Variants in ERBB4 observed in about 807,000 individuals in gnomAD.
ERBB4 encodes the protein receptor tyrosine-protein kinase erbB-4.
ERBB4 carries 42 observed loss-of-function variants against 158.0 expected under a neutral mutation model. That is an observed-to-expected ratio of 0.27 (90% CI 0.21 to 0.34). The LOEUF is 0.34. Among genes scored for constraint, ERBB4 ranks in the 10% least tolerant of loss-of-function variants. ERBB4 has a pLI of 1.00. For missense variants in ERBB4, 1,333 were observed against 1,624.1 expected (o/e 0.82, Z 3.08); for synonymous variants, 583 against 558.7 (o/e 1.04, Z -0.61).
chr2:211,453,672 T>C (rs115862566), intron 20 of ERBB4, among the ~76,000 whole-genome samples: 2,747 of 152,278 alleles, frequency 0.018, 23 homozygotes, highest in African/African-American at 0.028. Flanking sequence ...TCAATACTAT[T>C]ATCTCATTCA....
intron 4 of ERBB4, among the ~76,000 whole-genome samples, chr2:211,759,329 A>C (rs572555882): frequency 6.6e-6 from 1 of 152,170 alleles, no homozygotes; most frequent in Non-Finnish European, 1.5e-5. Flanking sequence ...GCCCCTTTAC[A>C]ATCTCTTCTC....
At chr2:211,570,059 G>A (rs1224540460) in intron 19 of ERBB4, among the ~76,000 whole-genome samples, 1 of 152,122 alleles carries the variant, frequency 6.6e-6, no homozygotes, top group Non-Finnish European at 1.5e-5. Flanking sequence ...GAAAGGCACA[G>A]ATTCATGAGA....
Position 211,793,968 on chromosome 2 carries a change from G to A in ERBB4, c.422-5809C>T, listed in dbSNP as rs376981065. Among the ~76,000 whole-genome samples, 14 of 152,008 alleles carry A rather than the reference G, an allele frequency of 9.2e-5. No individual in the cohort carries two copies. In the East Asian group the frequency reaches 2.5e-3, roughly 27 times the overall value. On this transcript the variant is annotated intron_variant, in intron 3 of 27. Coordinates refer to ENST00000342788, the MANE Select transcript of ERBB4 (RefSeq NM_005235.3). The stretch of plus-strand genomic sequence containing the variant: ...TTTGTATTGGGAGCGGGTAGAGGGT[G>A]ATAATGTAAATGAGTGACGTAACCT...
chr2:211,755,250 C>T (rs2075263437), intron 4 of ERBB4, among the ~76,000 whole-genome samples: 1 of 152,086 alleles, frequency 6.6e-6, no homozygotes, highest in South Asian at 2.1e-4. Context: ...GTCTGTAATC[C>T]CAGCACTTTG....
chr2:211,761,190 CA>C (rs58277006), intron 4 of ERBB4, among the ~76,000 whole-genome samples: 3,820 of 89,730 alleles, frequency 0.043, 82 homozygotes, highest in African/African-American at 0.14. Flanking sequence ...TGAGATTCCT[CA>C]AAAAAAAAAA....
chr2:212,363,211 C>T (rs1299980259), intron 1 of ERBB4, among the ~76,000 whole-genome samples: 1 of 151,156 alleles, frequency 6.6e-6, no homozygotes, highest in Admixed American at 6.6e-5. Context: ...GACTAAGTAG[C>T]CCATGCAGAC....
At position 211,624,021 on chromosome 2, in the gene ERBB4, A is replaced by G; in HGVS notation, c.2103T>C (p.Ser701=). 2 of 1,614,132 alleles carry G rather than the reference A, an allele frequency of 1.2e-6. No individual in the cohort carries two copies. The highest frequency in any genetic ancestry group is 8.5e-7 in the Non-Finnish European group (1 of 1,179,998). The change falls in exon 18 of 28, where the codon AGT becomes AGC. Residue 701 remains serine, a synonymous_variant. Transcript: ENST00000342788. ...GTTGAGCTTGATTGGGTGCTGTGCC[A>G]CTGGGAGTTAATGGTTCCACCAACT... ...ETELVEPLTP[S]GTAPNQAQLR...
chr2:211,633,806 A>G (rs1190220545), intron 16 of ERBB4, among the ~76,000 whole-genome samples: 1 of 151,578 alleles, frequency 6.6e-6, no homozygotes, highest in Non-Finnish European at 1.5e-5. Context: ...AAAGATTTTG[A>G]TGTTAGTAGA....
chr2:211,930,373 A>G (rs772674041), intron 3 of ERBB4, among the ~76,000 whole-genome samples: 36 of 152,202 alleles, frequency 2.4e-4, no homozygotes, highest in Non-Finnish European at 4.7e-4. Context: ...TTATTTACGG[A>G]GTAAAAGAAT....
chr2:211,741,501 T>C (rs540907653), intron 5 of ERBB4, among the ~76,000 whole-genome samples: 3 of 138,512 alleles, frequency 2.2e-5, no homozygotes, highest in African/African-American at 5.4e-5. Context: ...AGACAGATGA[T>C]AGAGAGAGAG....
intron 1 of ERBB4, among the ~76,000 whole-genome samples, chr2:212,357,592 C>T (rs150494135): frequency 2.0e-5 from 3 of 151,620 alleles, no homozygotes; most frequent in East Asian, 3.9e-4. Context: ...TGAAAATGTA[C>T]GTTTGCCCAC....
At chr2:211,418,164 T>G (rs1199634705) in intron 25 of ERBB4, among the ~76,000 whole-genome samples, 2 of 151,710 alleles carry the variant, frequency 1.3e-5, no homozygotes, top group African/African-American at 4.8e-5. Flanking sequence ...AGATGTTCCC[T>G]TAGCACGTTA....
intron 1 of ERBB4, among the ~76,000 whole-genome samples, chr2:212,485,481 T>C (rs1689924113): frequency 6.6e-6 from 1 of 152,144 alleles, no homozygotes; most frequent in Non-Finnish European, 1.5e-5. Flanking sequence ...GAATGAATTG[T>C]CAAAATGAAC....
intron 1 of ERBB4, among the ~76,000 whole-genome samples, chr2:212,179,106 T>G (rs548188154): frequency 2.0e-5 from 3 of 151,742 alleles, no homozygotes; most frequent in Middle Eastern, 3.4e-3. Flanking sequence ...TGGTAAGACA[T>G]AGAATCATTA....
At chr2:212,489,399 C>T (rs1575016058) in intron 1 of ERBB4, among the ~76,000 whole-genome samples, 1 of 151,942 alleles carries the variant, frequency 6.6e-6, no homozygotes, top group Admixed American at 6.6e-5. Context: ...ACCCTACTAA[C>T]CAAGACTCAA....
chr2:211,918,343 C>T (rs2079759239), intron 3 of ERBB4, among the ~76,000 whole-genome samples: 1 of 151,946 alleles, frequency 6.6e-6, no homozygotes, highest in Non-Finnish European at 1.5e-5. Flanking sequence ...TATGTCTATA[C>T]CCTTATTCCA....
chr2:212,126,131 T>C (rs2079917132), intron 1 of ERBB4, among the ~76,000 whole-genome samples: 1 of 152,192 alleles, frequency 6.6e-6, no homozygotes, highest in African/African-American at 2.4e-5. Context: ...GTTCTATTCC[T>C]ATGTGAGCAC....
intron 7 of ERBB4, among the ~76,000 whole-genome samples, chr2:211,716,738 CT>C (rs1559451880): frequency 6.6e-6 from 1 of 152,016 alleles, no homozygotes; most frequent in African/African-American, 2.4e-5. Context: ...AAAGAAGAAG[CT>C]TAATGTCCTT....
intron 3 of ERBB4, among the ~76,000 whole-genome samples, chr2:211,870,032 C>T (rs924033678): frequency 2.6e-5 from 4 of 152,138 alleles, no homozygotes; most frequent in Admixed American, 2.6e-4. Context: ...GTGATTCTCC[C>T]AGTATCCATC....
Sources: gnomAD v4.1 joint callset for allele counts (sites outside exome capture counted in the v4.1 genomes callset) on GRCh38, gnomAD v4.1.1 for gene constraint, MANE v1.5 for transcripts, NCBI Gene and HGNC (gene_info 2026-07-23, HGNC 2026-07-21) for gene names.